The following ANKRD55 variants were observed in gnomAD, a reference collection of about 807,000 sequenced individuals.
ANKRD55 encodes the protein ankyrin repeat domain 55.
A neutral mutation model predicts 60.6 loss-of-function variants in ANKRD55; 41 were observed. That is an observed-to-expected ratio of 0.68 (90% confidence interval 0.53 to 0.88). The LOEUF (loss-of-function observed/expected upper bound fraction) is 0.88. ANKRD55 is among the 40% of genes least tolerant of loss of function. ANKRD55 has a pLI of 0.00. For synonymous variants in ANKRD55, 264 were observed against 290.3 expected, an observed-to-expected ratio of 0.91 and a Z score of 0.92; for missense variants, 732 against 767.6, an observed-to-expected ratio of 0.95 and a Z score of 0.55.
intron 4 of ANKRD55, among the ~76,000 whole-genome samples, chr5:56,174,827 T>C (rs1758702341): frequency 8.4e-6 from 1 of 119,378 alleles, no homozygotes; most frequent in Non-Finnish European, 1.6e-5. Flanking sequence ...TGAGACTCTG[T>C]CTCAAAAAAA....
chr5:56,113,292 G>A (rs1756789787), intron 9 of ANKRD55, among the ~76,000 whole-genome samples: 1 of 152,158 alleles, frequency 6.6e-6, no homozygotes, highest in Admixed American at 6.5e-5. Context: ...AATAGAGGTG[G>A]TGGGTAAAAT....
intron 6 of ANKRD55, among the ~76,000 whole-genome samples, chr5:56,149,222 G>A (rs931445810): frequency 2.6e-5 from 4 of 152,002 alleles, no homozygotes; most frequent in Admixed American, 6.6e-5. Context: ...GTAGATAGAC[G>A]GTGAGCATCA....
intron 6 of ANKRD55, among the ~76,000 whole-genome samples, chr5:56,157,822 G>A (rs969700729): frequency 6.6e-6 from 1 of 152,096 alleles, no homozygotes; most frequent in Non-Finnish European, 1.5e-5. Flanking sequence ...CGGAGCCGGC[G>A]CGCGTCCTCC....
At position 56,111,778 on chromosome 5, in the gene ANKRD55, C is replaced by G; in HGVS notation, c.970G>C (p.Glu324Gln). ...VKLLSQESRT[E>Q]PTRPPPSQSS... ...TGGGAGGGAGGGGGTCGAGTAGGCT[C>G]TGTTCTATGCGAATATAAAAGAGCA... Residue 324 changes from glutamate to glutamine, a missense_variant, in exon 10 of 12, where the codon GAG becomes CAG. By Grantham distance (29) the Glu-to-Gln change is conservative. Coordinates refer to ENST00000341048, the MANE Select transcript of ANKRD55 (RefSeq NM_024669.3). 1.3e-6 allele frequency: 2 copies of G among 1,497,074 alleles called. No homozygotes were observed. Among genetic ancestry groups the G allele is most frequent in the East Asian group, 2.3e-5 (1 of 43,068 alleles). The allele number at this position is 1,497,074 out of a possible 1,614,324, so 92.7% of individuals were successfully genotyped here. A position where few individuals can be genotyped will look rare whatever the true frequency, so the allele number is the denominator to read the frequency against.
At chr5:56,117,615 G>A (rs374681904) in intron 8 of ANKRD55, among the ~76,000 whole-genome samples, 1 of 151,902 alleles carries the variant, frequency 6.6e-6, no homozygotes, top group Non-Finnish European at 1.5e-5. Flanking sequence ...TACCACACCC[G>A]GCTAATTTTT....
intron 9 of ANKRD55, among the ~76,000 whole-genome samples, chr5:56,115,677 A>G (rs963919742): frequency 6.6e-5 from 10 of 152,164 alleles, no homozygotes; most frequent in African/African-American, 2.4e-4. Flanking sequence ...TGCCAAAAAT[A>G]TAAAACAATG....
intron 2 of ANKRD55, among the ~76,000 whole-genome samples, chr5:56,185,168 A>G (rs1338662259): frequency 1.3e-5 from 2 of 151,938 alleles, no homozygotes; most frequent in African/African-American, 2.4e-5. Context: ...GGGTGCAGTG[A>G]GCCGAGATTG....
At chr5:56,176,327 G>A in intron 3 of ANKRD55, 45 bp from the exon 4 acceptor site, 1 of 1,612,324 alleles carries the variant, frequency 6.2e-7, no homozygotes, top group Middle Eastern at 1.7e-4. Context: ...TGTGACCCAT[G>A]AAACTGATGA....
At chr5:56,168,227 C>T (rs561030962) in intron 5 of ANKRD55, among the ~76,000 whole-genome samples, 188 of 152,362 alleles carry the variant, frequency 1.2e-3, no homozygotes, top group Non-Finnish European at 1.4e-3. Context: ...AGGGTAGTCC[C>T]TGCTTAATCT....
chr5:56,188,297 C>T (rs1380550257), intron 2 of ANKRD55, among the ~76,000 whole-genome samples: 1 of 152,044 alleles, frequency 6.6e-6, no homozygotes, highest in Non-Finnish European at 1.5e-5. Context: ...CTGGTGACAT[C>T]TTTCTCTTAC....
In ANKRD55 at chr5:56,166,217, CTT is replaced by C. The variant is rs1491413683; in HGVS notation, c.422+4475_422+4476del. ...TCCTTCCTTCTCTCTCTCTCTCTCT[CTT>C]TCTTTCTTTCTTTCTCTCTATCTTT... On this transcript the variant is annotated intron_variant, in intron 5 of 11. Transcript: ENST00000341048. Among the ~76,000 whole-genome samples, 488 of 137,674 alleles carry C rather than the reference CTT, an allele frequency of 3.5e-3. 17 individuals carry two copies. The highest frequency in any genetic ancestry group is 0.011 in the African/African-American group (393 of 35,750). The allele number at this position is 137,674 out of a possible 152,430, so 90.3% of individuals were successfully genotyped here.
intron 2 of ANKRD55, among the ~76,000 whole-genome samples, chr5:56,215,083 TC>T (rs1265294036): frequency 6.6e-6 from 1 of 151,954 alleles, no homozygotes; most frequent in Non-Finnish European, 1.5e-5. Context: ...CTGAAAGAAT[TC>T]TTTTTTTTTT....
At chr5:56,150,073 C>T (rs539608465) in intron 6 of ANKRD55, among the ~76,000 whole-genome samples, 1 of 152,256 alleles carries the variant, frequency 6.6e-6, no homozygotes, top group Admixed American at 6.5e-5. Context: ...ACTCCTAGAC[C>T]TCATGATCCG....
intron 5 of ANKRD55, among the ~76,000 whole-genome samples, chr5:56,165,763 C>A (rs1267973211): frequency 6.6e-6 from 1 of 152,062 alleles, no homozygotes; most frequent in African/African-American, 2.4e-5. Context: ...AACCCCATCT[C>A]TACTAAAAAT....
chr5:56,201,377 T>C (rs2111858362), intron 2 of ANKRD55, among the ~76,000 whole-genome samples: 1 of 152,320 alleles, frequency 6.6e-6, no homozygotes, highest in East Asian at 1.9e-4. Flanking sequence ...TCTTTGGCCA[T>C]GCAAGAACAA....
chr5:56,145,638 A>G (rs1035614445), intron 6 of ANKRD55, among the ~76,000 whole-genome samples: 2 of 152,220 alleles, frequency 1.3e-5, no homozygotes, highest in African/African-American at 4.8e-5. Context: ...ATTTAATAGA[A>G]GAGGAAGCTG....
chr5:56,120,726 T>C (rs759464385), intron 8 of ANKRD55, among the ~76,000 whole-genome samples: 35 of 152,020 alleles, frequency 2.3e-4, no homozygotes, highest in Non-Finnish European at 2.8e-4. Context: ...GGTGAAACCC[T>C]GTCTCTACTA....
At chr5:56,117,557 G>T (rs112037462) in intron 8 of ANKRD55, among the ~76,000 whole-genome samples, 1 of 151,870 alleles carries the variant, frequency 6.6e-6, no homozygotes, top group Non-Finnish European at 1.5e-5. Context: ...AGGTTCAAGC[G>T]ATTCTCCCAC....
At chr5:56,184,015 T>A (rs1758911365) in intron 2 of ANKRD55, among the ~76,000 whole-genome samples, 1 of 152,152 alleles carries the variant, frequency 6.6e-6, no homozygotes, top group Admixed American at 6.5e-5. Context: ...AATAACTCAG[T>A]TTACTACCTT....
Sources: gnomAD v4.1 joint callset for allele counts (sites outside exome capture counted in the v4.1 genomes callset) on GRCh38, gnomAD v4.1.1 for gene constraint, MANE v1.5 for transcripts, NCBI Gene and HGNC (gene_info 2026-07-23, HGNC 2026-07-21) for gene names.